Variants in MSR1 observed in about 807,000 individuals in gnomAD.
MSR1 encodes the protein macrophage scavenger receptor 1, also known as macrophage scavenger receptor types I and II.
A neutral mutation model predicts 47.2 loss-of-function variants in MSR1; 53 were observed. That is an observed-to-expected ratio of 1.12 (90% CI 0.90 to 1.41). The LOEUF (loss-of-function observed/expected upper bound fraction) is 1.41. Ranked by LOEUF, MSR1 falls within the 40% of genes most tolerant of loss-of-function variation. MSR1 has a pLI of 0.00. For missense variants in MSR1, 786 were observed against 546.9 expected (o/e 1.44, Z -4.36); for synonymous variants, 239 against 185.6 (o/e 1.29, Z -2.34).
At chr8:16,178,779 T>A (rs1039532324) in intron 1 of MSR1, among the ~76,000 whole-genome samples, 1 of 152,160 alleles carries the variant, frequency 6.6e-6, no homozygotes, top group Non-Finnish European at 1.5e-5. Context: ...GTTTCCTGAC[T>A]TTTTAATGAT....
rs1799672424 is a variant in MSR1 at position 16,107,948 on chromosome 8, T to A, written c.*2137A>T. ...TCCAAAGTAAATTAAGTCCTCAATTTGTATTGGTGCTATTAGGTTCTTTTC... is the reference window on the plus strand; with the variant it reads ...TCCAAAGTAAATTAAGTCCTCAATTAGTATTGGTGCTATTAGGTTCTTTTC... On this transcript the variant is annotated 3_prime_UTR_variant, in exon 10 of 10. Transcript: ENST00000262101. 1 of 151,948 alleles carries A rather than the reference T, an allele frequency of 6.6e-6. No homozygotes were observed. The highest frequency in any genetic ancestry group is 1.5e-5 in the Non-Finnish European group (1 of 67,936). The allele number at this position is 151,948 out of a possible 1,614,324, so 9.4% of individuals were successfully genotyped here. A position where few individuals can be genotyped will look rare whatever the true frequency, so the allele number is the denominator to read the frequency against.
chr8:16,149,707 G>A (rs1053271835), intron 7 of MSR1, among the ~76,000 whole-genome samples: 7 of 152,110 alleles, frequency 4.6e-5, no homozygotes, highest in African/African-American at 1.7e-4. Context: ...TTAAGCACTA[G>A]TAGATAATGG....
intron 8 of MSR1, among the ~76,000 whole-genome samples, chr8:16,123,087 C>T (rs1352991345): frequency 2.0e-5 from 3 of 151,968 alleles, no homozygotes; most frequent in Non-Finnish European, 2.9e-5. Flanking sequence ...CCTCGTGATC[C>T]GCCCGACTCG....
intron 8 of MSR1, among the ~76,000 whole-genome samples, chr8:16,130,869 T>A (rs1482939105): frequency 1.3e-5 from 2 of 152,114 alleles, no homozygotes; most frequent in Non-Finnish European, 2.9e-5. Context: ...ATTTTCTTTA[T>A]CCAGTCTACC....
At chr8:16,189,763 TTA>T (rs1338879681) in intron 1 of MSR1, among the ~76,000 whole-genome samples, 11 of 124,938 alleles carry the variant, frequency 8.8e-5, no homozygotes, top group Non-Finnish European at 1.5e-4. Flanking sequence ...TATATATATT[TTA>T]TATATATATA....
At chr8:16,186,293 TTC>T (rs1338552102) in intron 1 of MSR1, 4 of 1,168,320 alleles carry the variant, frequency 3.4e-6, no homozygotes, top group Non-Finnish European at 4.9e-6. Context: ...CCAGTTTCTG[TTC>T]TGTTTTCTCT....
intron 4 of MSR1, among the ~76,000 whole-genome samples, chr8:16,167,486 A>C (rs1215722524): frequency 2.6e-5 from 4 of 152,190 alleles, no homozygotes; most frequent in Non-Finnish European, 5.9e-5. Context: ...CAGAGGTTGC[A>C]GTGAGCCATG....
chr8:16,168,901 T>C (rs887441074), intron 3 of MSR1, 31 bp from the exon 4 acceptor site: 4 of 1,603,174 alleles, frequency 2.5e-6, no homozygotes, highest in Admixed American at 3.3e-5. Flanking sequence ...AAACCAGTCA[T>C]GGCCTGATCC....
chr8:16,191,737 T>A (rs1023693048), intron 1 of MSR1, among the ~76,000 whole-genome samples: 1 of 152,136 alleles, frequency 6.6e-6, no homozygotes, highest in Non-Finnish European at 1.5e-5. Context: ...AATCACTGCA[T>A]AAAACATCTG....
intron 1 of MSR1, among the ~76,000 whole-genome samples, chr8:16,179,495 T>C (rs1053308114): frequency 2.0e-5 from 3 of 152,170 alleles, no homozygotes; most frequent in African/African-American, 7.2e-5. Flanking sequence ...ATTATTTTAA[T>C]TACTCTATTT....
chr8:16,185,835 C>A (rs1377804634), intron 1 of MSR1, among the ~76,000 whole-genome samples: 2 of 147,168 alleles, frequency 1.4e-5, no homozygotes, highest in African/African-American at 2.5e-5. Flanking sequence ...GTAGAAGATA[C>A]CTTTTTTCAG....
chr8:16,136,000 G>C (rs1281501898), intron 8 of MSR1, among the ~76,000 whole-genome samples: 2 of 152,082 alleles, frequency 1.3e-5, no homozygotes, highest in African/African-American at 2.4e-5. Context: ...CAAAGAAAGG[G>C]TTTTTTTGAG....
chr8:16,126,576 A>G (rs948079437), intron 8 of MSR1, among the ~76,000 whole-genome samples: 2 of 152,214 alleles, frequency 1.3e-5, no homozygotes, highest in Non-Finnish European at 2.9e-5. Context: ...TGAGATACTT[A>G]GCAATGAAAT....
At chr8:16,129,630 TC>T (rs1452775010) in intron 8 of MSR1, among the ~76,000 whole-genome samples, 3 of 152,020 alleles carry the variant, frequency 2.0e-5, no homozygotes, top group Admixed American at 1.3e-4. Flanking sequence ...TGCCTGTAGT[TC>T]CAGCTACCTG....
intron 9 of MSR1, among the ~76,000 whole-genome samples, chr8:16,113,651 T>C (rs1013733331): frequency 1.5e-4 from 23 of 152,172 alleles, no homozygotes; most frequent in Admixed American, 2.0e-4. Flanking sequence ...GTTTTGTGCT[T>C]ATAGAGAAAC....
At chr8:16,117,153 C>A (rs949533355) in intron 9 of MSR1, among the ~76,000 whole-genome samples, 2 of 152,126 alleles carry the variant, frequency 1.3e-5, no homozygotes, top group African/African-American at 4.8e-5. Flanking sequence ...AAAGCTTCAT[C>A]TGTATTTACT....
chr8:16,140,592 C>A (rs1800529298), intron 8 of MSR1: 4 of 1,073,614 alleles, frequency 3.7e-6, no homozygotes, highest in South Asian at 3.5e-5. Context: ...CTTTGCTTGA[C>A]TGAAACATCA....
intron 3 of MSR1, among the ~76,000 whole-genome samples, chr8:16,170,008 A>G (rs867988377): frequency 2.6e-5 from 4 of 152,152 alleles, no homozygotes; most frequent in Admixed American, 2.6e-4. Context: ...ATCTAAAGCA[A>G]TATGTTTTCT....
chr8:16,154,671 A>T (rs908579325), intron 6 of MSR1, among the ~76,000 whole-genome samples: 5 of 152,032 alleles, frequency 3.3e-5, no homozygotes, highest in African/African-American at 1.2e-4. Context: ...AAATGTGAAG[A>T]TGATTTATTC....
Sources: allele counts gnomAD v4.1 joint callset (sites outside exome capture counted in the v4.1 genomes callset), GRCh38; gene constraint gnomAD v4.1.1; transcripts MANE v1.5; gene names NCBI Gene and HGNC (gene_info 2026-07-23, HGNC 2026-07-21).